MCOLN1: variants seen among roughly 807,000 people sequenced by gnomAD.
MCOLN1 encodes mucolipin-1.
In MCOLN1, 50 loss-of-function variants were observed where a neutral mutation model predicts 70.3. The observed-to-expected ratio is 0.71, with a 90% confidence interval of 0.57 to 0.90. MCOLN1 has a LOEUF of 0.90. Ranked by LOEUF, MCOLN1 falls within the 40% of genes least tolerant of loss-of-function variation. The pLI, the probability that MCOLN1 is intolerant of heterozygous loss-of-function variation, is 0.00. For synonymous variants in MCOLN1, 366 were observed against 341.0 expected (o/e 1.07, Z -0.81); for missense variants, 598 against 803.5 (o/e 0.74, Z 3.09).
intron 1 of MCOLN1, among the ~76,000 whole-genome samples, chr19:7,523,753 G>A (rs1345725048): frequency 6.6e-6 from 1 of 152,192 alleles, no homozygotes; most frequent in Admixed American, 6.5e-5. Flanking sequence ...ACAGTGATTA[G>A]AACAGCTTGT....
intron 9 of MCOLN1, 56 bp downstream of exon 9, chr19:7,529,026 C>G: frequency 1.2e-6 from 2 of 1,613,732 alleles, no homozygotes; most frequent in Admixed American, 1.7e-5. Context: ...CAGTGCCTAT[C>G]CGGGGCCATA....
chr19:7,527,301 A>G, intron 4 of MCOLN1: 1 of 560,978 alleles, frequency 1.8e-6, no homozygotes. Context: ...AAAAACAAGT[A>G]TGCTTAGTGT....
At chr19:7,522,839 C>T in intron 1 of MCOLN1, 58 bp downstream of exon 1, 1 of 1,293,068 alleles carries the variant, frequency 7.7e-7, no homozygotes. Context: ...CTGTGTCTCC[C>T]ACCTGGGGCG....
Position 7,533,632 on chromosome 19 carries a change from G to A in MCOLN1, c.1685G>A (p.Ser562Asn), listed in dbSNP as rs1028645904. 5.6e-5 allele frequency: 90 copies of A among 1,612,586 alleles called. No homozygotes were observed. The highest frequency in any genetic ancestry group is 7.1e-5 in the Non-Finnish European group (84 of 1,179,770). ...CGCCGCGGGAGCGGCTCGGCCTGCA[G>A]CCTTCTCTGCTGCTGCGGAAGGTTC... ...KFRRGSGSAC[S>N]LLCCCGRDPS... The change falls in exon 13 of 14, where the codon AGC becomes AAC. Residue 562 changes from serine (S) to asparagine (N), a missense_variant. This residue lies in a region of MCOLN1 where 59 missense variants were observed against 58.8 expected (regional missense o/e 1.00). Transcript: ENST00000264079.
Position 7,528,806 on chromosome 19 carries a change from G to T in MCOLN1, c.985-15G>T. ...CTGTGCCTGGTCAGGCCCTCACCCC[G>T]CCTGCCTTCTGCAGGAGTTTGTGGG... On this transcript the variant is annotated splice_polypyrimidine_tract_variant and intron_variant, in intron 8 of 13. Transcript: ENST00000264079. The surrounding 1 kb of genome is among the most constrained non-coding windows in gnomAD (Gnocchi z 4.2). The T allele has an allele frequency of 6.2e-7, 1 of 1,614,168 alleles. No individual in the cohort carries two copies. Among genetic ancestry groups the T allele is most frequent in the Non-Finnish European group, 8.5e-7 (1 of 1,180,004 alleles).
chr19:7,530,186 C>A, intron 11 of MCOLN1, 100 bp from the exon 12 acceptor site: 1 of 1,076,300 alleles, frequency 9.3e-7, no homozygotes, highest in Non-Finnish European at 1.4e-6. Context: ...GGGGCCCCAG[C>A]CACCAGCTCC....
rs1367935351 is a variant in MCOLN1, at chr19:7,526,188, C to T, written c.238-251C>T. 2 of 580,946 alleles carry T rather than the reference C, an allele frequency of 3.4e-6. No individual in the cohort carries two copies. The highest frequency in any genetic ancestry group is 2.9e-5 in the East Asian group (1 of 34,152). The allele number at this position is 580,946 out of a possible 1,614,324, so 36.0% of individuals were successfully genotyped here. On this transcript the variant is annotated intron_variant, in intron 2 of 13. Transcript: ENST00000264079. The surrounding 1 kb of genome is among the most constrained non-coding windows in gnomAD (Gnocchi z 4.6). ...TGCAGTGAGATAGATGAGTCCCCAC[C>T]CTGTGTTGTACGGGGGAGGACACAG...
intron 12 of MCOLN1, 91 bp downstream of exon 12, chr19:7,530,592 A>G (rs2146026276): frequency 8.3e-7 from 1 of 1,202,536 alleles, no homozygotes; most frequent in Non-Finnish European, 1.2e-6. Flanking sequence ...GGGTGAACAG[A>G]GAAGACCCAG....
rs762111761 is a variant in MCOLN1, at chr19:7,525,089, G to A, written c.160G>A (p.Asp54Asn). The change falls in exon 2 of 14, where the codon GAC (aspartate) becomes AAC (asparagine). Residue 54 changes from aspartate (D) to asparagine (N), a missense_variant. Asp to Asn is a conservative substitution (Grantham distance 23, BLOSUM62 1). Transcript: ENST00000264079. The surrounding 1 kb of genome is among the most constrained non-coding windows in gnomAD (Gnocchi z 4.2). Reference sequence around the variant, plus strand: ...CAAATACTTTTTCATGAGTCCCTGCGACAAGTTTCGAGCCAAGGGCCGCAA... The same window carrying A: ...CAAATACTTTTTCATGAGTCCCTGCAACAAGTTTCGAGCCAAGGGCCGCAA... ...RLKYFFMSPC[D>N]KFRAKGRKPC... 17 of 1,614,010 alleles carry A rather than the reference G, an allele frequency of 1.1e-5. No homozygotes were observed. The highest frequency in any genetic ancestry group is 2.7e-5 in the African/African-American group (2 of 74,938).
Position 7,528,064 on chromosome 19 carries a change from G to T in MCOLN1, c.778-94G>T. 6.5e-7 allele frequency: 1 copy of T among 1,529,940 alleles called. No individual in the cohort carries two copies. Among genetic ancestry groups the T allele is most frequent in the East Asian group, 2.3e-5 (1 of 44,436 alleles). 94.8% of individuals were successfully genotyped at this position (1,529,940 alleles called of 1,614,324 possible). A position where few individuals can be genotyped will look rare whatever the true frequency, so the allele number is the denominator to read the frequency against. On this transcript the variant is annotated intron_variant, in intron 6 of 13. Transcript: ENST00000264079. This position sits in a 1 kb window ranked among gnomAD's most constrained non-coding sequence, Gnocchi z 4.2. Reference sequence around the variant, plus strand: ...CCAAGGGCAAGCGTGCGGGTGATGAGGGAGGGAGCCCGGGGTCTGTCAGGC... The same window carrying T: ...CCAAGGGCAAGCGTGCGGGTGATGATGGAGGGAGCCCGGGGTCTGTCAGGC...
rs572407593 is a variant in MCOLN1, at chr19:7,528,587, C to T, written c.878-10C>T. On this transcript the variant is annotated splice_polypyrimidine_tract_variant and intron_variant, in intron 7 of 13. Coordinates refer to ENST00000264079, the MANE Select transcript of MCOLN1 (RefSeq NM_020533.3). The surrounding 1 kb of genome is among the most constrained non-coding windows in gnomAD (Gnocchi z 4.2). ...CATCCTTGGCCCTACCCGCTCTGCC[C>T]TCCCCGCAGGAGACAACAGCTTCCG... 2.8e-5 allele frequency: 46 copies of T among 1,614,098 alleles called. 1 individual carries two copies. The South Asian group carries it at 3.8e-4, about 13-fold the overall frequency.
rs1417471078 is a variant in MCOLN1 at position 7,526,724 on chromosome 19, G to A, written c.406-37G>A. ...GCAGGTGGGTGGGCTGCAGAGAGCG[G>A]GCCGGACTCACAGGCCCTCCCCTTC... On this transcript the variant is annotated intron_variant, in intron 3 of 13. Transcript: ENST00000264079. The surrounding 1 kb of genome is among the most constrained non-coding windows in gnomAD (Gnocchi z 4.6). The A allele has an allele frequency of 6.2e-7, 1 of 1,610,950 alleles. No individual in the cohort carries two copies. The highest frequency in any genetic ancestry group is 8.5e-7 in the Non-Finnish European group (1 of 1,179,840).
In MCOLN1 at chr19:7,526,624, G is replaced by C; in HGVS notation, c.405+18G>C. 3 of 1,608,978 alleles carry C rather than the reference G, an allele frequency of 1.9e-6. No individual in the cohort carries two copies. The highest frequency in any genetic ancestry group is 2.5e-6 in the Non-Finnish European group (3 of 1,179,370). On this transcript the variant is annotated intron_variant, in intron 3 of 13. Transcript: ENST00000264079. This position sits in a 1 kb window ranked among gnomAD's most constrained non-coding sequence, Gnocchi z 4.6. ...TGGACCAGGTGCTGGTGGGCGGGCA[G>C]GTGCTGGTGGGCAGGCAGGTGCAGG...
In MCOLN1 at chr19:7,533,845, G is replaced by A. The variant is rs760469616; in HGVS notation, c.*50G>A. 10 of 1,603,744 alleles carry A rather than the reference G, an allele frequency of 6.2e-6. No individual in the cohort carries two copies. The East Asian group carries it at 1.3e-4, about 21-fold the overall frequency. ...TAGGCCCTGGACTGCAGAGACCCCC[G>A]CCCCCGACCCCGCTTATTTATTTGT... On this transcript the variant is annotated 3_prime_UTR_variant, in exon 14 of 14. Transcript: ENST00000264079.
rs1472898722 is a variant in MCOLN1 at position 7,528,120 on chromosome 19, C to T, written c.778-38C>T. On this transcript the variant is annotated intron_variant, in intron 6 of 13. Transcript: ENST00000264079. This position sits in a 1 kb window ranked among gnomAD's most constrained non-coding sequence, Gnocchi z 4.2. ...GTCATGTGGACCTTGGGGCTTGGGGCTGCCAAGGTTTACTCTGCCCCCAAC... is the reference window on the plus strand; with the variant it reads ...GTCATGTGGACCTTGGGGCTTGGGGTTGCCAAGGTTTACTCTGCCCCCAAC... The T allele has an allele frequency of 6.2e-7, 1 of 1,602,346 alleles. No individual in the cohort carries two copies. Among genetic ancestry groups the T allele is most frequent in the East Asian group, 2.2e-5 (1 of 44,832 alleles).
chr19:7,527,202 G>A (rs997017833), intron 4 of MCOLN1: 2 of 552,360 alleles, frequency 3.6e-6, no homozygotes, highest in Middle Eastern at 5.0e-4. Context: ...AGTCCGGGAG[G>A]TTGAGGCTGC....
Position 7,530,449 on chromosome 19 carries a change from T to C in MCOLN1, c.1523T>C (p.Met508Thr). The C allele has an allele frequency of 6.2e-7, 1 of 1,613,084 alleles. No homozygotes were observed. The highest frequency in any genetic ancestry group is 8.5e-7 in the Non-Finnish European group (1 of 1,180,032). The change falls in exon 12 of 14, where the codon ATG (methionine) becomes ACG (threonine). Residue 508 changes from methionine to threonine, a missense_variant. This residue lies in a region of MCOLN1 where 78 missense variants were observed against 156.2 expected (regional missense o/e 0.50). Coordinates refer to ENST00000264079, the MANE Select transcript of MCOLN1 (RefSeq NM_020533.3). ...TCCTTCATCAGCCTCTTCATCTACA[T>C]GGTGCTCAGCCTCTTCATCGCGCTC... ...LYSFISLFIY[M>T]VLSLFIALIT...
In MCOLN1 at chr19:7,524,898, T is replaced by G; in HGVS notation, c.32-63T>G. The G allele has an allele frequency of 7.2e-7, 1 of 1,383,108 alleles. No individual in the cohort carries two copies. The highest frequency in any genetic ancestry group is 1.0e-6 in the Non-Finnish European group (1 of 975,520). The allele number at this position is 1,383,108 out of a possible 1,614,324, so 85.7% of individuals were successfully genotyped here. On this transcript the variant is annotated intron_variant, in intron 1 of 13. Coordinates refer to ENST00000264079, the MANE Select transcript of MCOLN1 (RefSeq NM_020533.3). The surrounding 1 kb of genome is among the most constrained non-coding windows in gnomAD (Gnocchi z 4.1). ...ATAGGGCGTGTGCTGCCTTCCTGGTTGGAGAAAGGGGAAAAGGGGAGTTGC... is the reference window on the plus strand; with the variant it reads ...ATAGGGCGTGTGCTGCCTTCCTGGTGGGAGAAAGGGGAAAAGGGGAGTTGC...
rs1202097683 is a variant in MCOLN1 at position 7,525,107 on chromosome 19, G to A, written c.178G>A (p.Gly60Ser). ...MSPCDKFRAK[G>S]RKPCKLMLQV... Reference sequence around the variant, plus strand: ...TCCCTGCGACAAGTTTCGAGCCAAGGGCCGCAAGCCCTGCAAGCTGATGCT... The same window carrying A: ...TCCCTGCGACAAGTTTCGAGCCAAGAGCCGCAAGCCCTGCAAGCTGATGCT... Residue 60 changes from glycine (G) to serine (S), a missense_variant, in exon 2 of 14, where the codon GGC becomes AGC. Physicochemically the swap from Gly to Ser is moderately conservative, Grantham distance 56 (BLOSUM62 0). Transcript: ENST00000264079. This position sits in a 1 kb window ranked among gnomAD's most constrained non-coding sequence, Gnocchi z 4.2. 2 of 1,614,152 alleles carry A rather than the reference G, an allele frequency of 1.2e-6. No homozygotes were observed. Among genetic ancestry groups the A allele is most frequent in the Non-Finnish European group, 1.7e-6 (2 of 1,180,038 alleles).
Sources: allele counts gnomAD v4.1 joint callset (sites outside exome capture counted in the v4.1 genomes callset), GRCh38; gene constraint gnomAD v4.1.1; regional missense constraint gnomAD v4.1.1; non-coding constraint Gnocchi (gnomAD v3.1); transcripts MANE v1.5; gene names NCBI Gene and HGNC (gene_info 2026-07-23, HGNC 2026-07-21).